IFT43: variants seen among roughly 807,000 people sequenced by gnomAD.
IFT43 encodes the protein intraflagellar transport protein 43 homolog.
In IFT43, 33 loss-of-function variants were observed where a neutral mutation model predicts 32.3. The observed-to-expected ratio is 1.02, with a 90% CI of 0.77 to 1.37. The LOEUF is 1.37. Ranked by LOEUF, IFT43 falls within the 40% of genes most tolerant of loss-of-function variation. The probability of loss-of-function intolerance (pLI) is 0.00; values close to 1 mark genes in which losing one functional copy is unlikely to be tolerated. For synonymous variants in IFT43, 93 were observed against 98.2 expected, an observed-to-expected ratio of 0.95 and a Z score of 0.31; for missense variants, 274 against 265.9, an observed-to-expected ratio of 1.03 and a Z score of -0.21.
intron 5 of IFT43, among the ~76,000 whole-genome samples, chr14:76,066,013 G>A (rs1367151636): frequency 6.6e-6 from 1 of 152,224 alleles, no homozygotes; most frequent in Non-Finnish European, 1.5e-5. Flanking sequence ...TCTGAATATG[G>A]ACCTTGACCT....
At chr14:76,021,935 C>CA (rs2036298662) in intron 2 of IFT43, among the ~76,000 whole-genome samples, 1 of 152,142 alleles carries the variant, frequency 6.6e-6, no homozygotes, top group South Asian at 2.1e-4. Flanking sequence ...GGTGACCTTA[C>CA]CCTCAGCCAT....
intron 3 of IFT43, among the ~76,000 whole-genome samples, chr14:76,047,816 G>C (rs919182842): frequency 7.3e-5 from 11 of 150,942 alleles, no homozygotes; most frequent in African/African-American, 2.7e-4. Context: ...GGATAAACCA[G>C]TTGCAAGGAA....
chr14:76,004,125 T>G (rs1156518206), intron 2 of IFT43, among the ~76,000 whole-genome samples: 1 of 152,196 alleles, frequency 6.6e-6, no homozygotes, highest in Non-Finnish European at 1.5e-5. Context: ...TATTCTGCCT[T>G]TTTTGTTGTT....
chr14:76,030,080 G>T (rs751705332), intron 3 of IFT43, among the ~76,000 whole-genome samples: 9 of 151,746 alleles, frequency 5.9e-5, no homozygotes, highest in Non-Finnish European at 1.3e-4. Context: ...TAGAGCTGTG[G>T]TCTCACTGTG....
chr14:76,041,491 A>G (rs721979), intron 3 of IFT43, among the ~76,000 whole-genome samples: 127,306 of 152,244 alleles, frequency 0.84, 53,361 homozygotes, highest in Non-Finnish European at 0.87. Context: ...AGTGCTTGCC[A>G]GGGTCTTCTT....
intron 5 of IFT43, among the ~76,000 whole-genome samples, chr14:76,071,976 T>C (rs1464788914): frequency 1.3e-5 from 2 of 152,116 alleles, no homozygotes; most frequent in Non-Finnish European, 2.9e-5. Flanking sequence ...AGCCTCCTGT[T>C]GCATATCGGC....
chr14:76,073,348 C>T (rs143448589), intron 5 of IFT43, among the ~76,000 whole-genome samples: 10 of 152,268 alleles, frequency 6.6e-5, no homozygotes, highest in African/African-American at 2.2e-4. Flanking sequence ...GGACTTAGGA[C>T]GTCACTTGGC....
chr14:76,020,158 A>G (rs1248241766), intron 2 of IFT43, among the ~76,000 whole-genome samples: 7 of 152,062 alleles, frequency 4.6e-5, no homozygotes, highest in Non-Finnish European at 8.8e-5. Context: ...TATTTTTAGT[A>G]TAGATGGGGT....
At chr14:76,048,701 C>T (rs1281257294) in intron 3 of IFT43, among the ~76,000 whole-genome samples, 2 of 152,188 alleles carry the variant, frequency 1.3e-5, no homozygotes, top group Non-Finnish European at 2.9e-5. Context: ...ATGCTGCCCC[C>T]ACCAGAGCTG....
chr14:76,079,300 T>C (rs938957080), intron 5 of IFT43, among the ~76,000 whole-genome samples: 2 of 152,264 alleles, frequency 1.3e-5, no homozygotes, highest in African/African-American at 4.8e-5. Flanking sequence ...GGTGGAGCCA[T>C]GTAGTTTCTC....
chr14:76,038,883 C>T (rs1039240870), intron 3 of IFT43, among the ~76,000 whole-genome samples: 1 of 152,070 alleles, frequency 6.6e-6, no homozygotes, highest in East Asian at 1.9e-4. Context: ...TGGAACAGCT[C>T]ATCTGTGGAG....
At chr14:76,044,305 G>A (rs981908642) in intron 3 of IFT43, among the ~76,000 whole-genome samples, 7 of 152,152 alleles carry the variant, frequency 4.6e-5, no homozygotes, top group African/African-American at 1.7e-4. Flanking sequence ...CTCCCAAAGT[G>A]TCGGGATTAC....
At chr14:76,022,436 A>G in intron 3 of IFT43, 42 bp downstream of exon 3, 1 of 1,156,984 alleles carries the variant, frequency 8.6e-7, no homozygotes, top group East Asian at 2.4e-5. Context: ...GGGGGTGCAC[A>G]CGGTTGGGGG....
intron 2 of IFT43, among the ~76,000 whole-genome samples, chr14:75,999,246 TATATATATATATATATATATATATATGTA>T (rs2035812560): frequency 9.6e-5 from 1 of 10,376 alleles, no homozygotes; most frequent in African/African-American, 4.0e-4. Flanking sequence ...TATATATATA[TATATATATATATATATATATATATATGTA>T]TATATATTTT....
intron 3 of IFT43, among the ~76,000 whole-genome samples, chr14:76,043,344 G>A (rs912141155): frequency 1.3e-5 from 2 of 150,566 alleles, no homozygotes; most frequent in African/African-American, 4.9e-5. Flanking sequence ...GGAGTAGAAG[G>A]GTAGGTGGGC....
intron 3 of IFT43, among the ~76,000 whole-genome samples, chr14:76,036,408 C>CTTTTTTTTTTTTTTTTT (rs3086747): frequency 2.5e-5 from 3 of 119,750 alleles, no homozygotes; most frequent in Non-Finnish European, 3.4e-5. Flanking sequence ...TTCTGTCTTT[C>CTTTTTTTTTTTTTTTTT]TTTTTTTTTT....
Position 76,016,897 on chromosome 14 carries a change from G to A in IFT43, c.148-5430G>A, listed in dbSNP as rs536244688. 3.9e-5 allele frequency among the ~76,000 whole-genome samples: 6 copies of A among 152,066 alleles called. No individual in the cohort carries two copies. The East Asian group carries it at 5.8e-4, about 15-fold the overall frequency. On this transcript the variant is annotated intron_variant, in intron 2 of 8. Coordinates refer to ENST00000314067, the MANE Select transcript of IFT43 (RefSeq NM_001102564.3). ...CTACTGATTTTTGTGTGTTGATTTC[G>A]TATCCTGCAACTTCACTGAATTCAT...
chr14:76,035,229 A>G (rs1409654504), intron 3 of IFT43, among the ~76,000 whole-genome samples: 1 of 152,154 alleles, frequency 6.6e-6, no homozygotes, highest in Non-Finnish European at 1.5e-5. Flanking sequence ...GCAGGAGTGG[A>G]ATTGTCACAA....
intron 5 of IFT43, among the ~76,000 whole-genome samples, chr14:76,062,921 A>C: frequency 8.6e-6 from 1 of 116,098 alleles, no homozygotes; most frequent in African/African-American, 3.7e-5. Context: ...CCATCTCAAA[A>C]AAAAAAAAAA....
Sources: allele counts gnomAD v4.1 joint callset (sites outside exome capture counted in the v4.1 genomes callset), GRCh38; gene constraint gnomAD v4.1.1; transcripts MANE v1.5; gene names NCBI Gene and HGNC (gene_info 2026-07-23, HGNC 2026-07-21).